The following NBR1 variants were observed in gnomAD, a reference collection of about 807,000 sequenced individuals.
NBR1 encodes the protein NBR1 autophagy cargo receptor.
Under a neutral mutation model 115.5 loss-of-function variants are expected in NBR1, and 59 were observed. The ratio of observed to expected loss-of-function variants is 0.51; its 90% confidence interval spans 0.41 to 0.63. NBR1 has a LOEUF of 0.63. NBR1 is among the 30% of genes least tolerant of loss of function. NBR1 has a pLI of 0.00. For missense variants in NBR1, 1,043 were observed against 1,150.5 expected, an observed-to-expected ratio of 0.91 and a Z score of 1.35; for synonymous variants, 373 against 414.7, an observed-to-expected ratio of 0.90 and a Z score of 1.22.
rs186899360 is a variant in NBR1, at chr17:43,188,856, T to G, written c.403-186T>G. On this transcript the variant is annotated intron_variant, in intron 6 of 20. Transcript: ENST00000590996. ...CTGACTTTTGAAACTGGTAATAGTT[T>G]ACTTCTGTAGAAGGGGAGCAGGCTA... Among the ~76,000 whole-genome samples, 519 of 152,342 alleles carry G rather than the reference T, an allele frequency of 3.4e-3. 7 individuals are homozygous for G. The highest frequency in any genetic ancestry group is 0.012 in the African/African-American group (508 of 41,572).
intron 20 of NBR1, among the ~76,000 whole-genome samples, chr17:43,206,187 AAAAG>A (rs1401185565): frequency 1.3e-5 from 2 of 151,816 alleles, no homozygotes; most frequent in African/African-American, 2.4e-5. Context: ...AAAAAAAAAA[AAAAG>A]AAAAAGAAAA....
chr17:43,188,943 T>A lies in NBR1; in HGVS notation c.403-99T>A. 7.1e-6 allele frequency: 6 copies of A among 839,610 alleles called. No individual in the cohort carries two copies. In the South Asian group the frequency reaches 7.5e-5, roughly 11 times the overall value. The allele number at this position is 839,610 out of a possible 1,614,324, so 52.0% of individuals were successfully genotyped here. The stretch of plus-strand genomic sequence containing the variant: ...GACTTTTTAAAAAATTATATACTTG[T>A]ATGATTTCACAAAAGAAACCTCAAA... On this transcript the variant is annotated intron_variant, in intron 6 of 20. Transcript: ENST00000590996.
chr17:43,205,704 CTG>C (rs1410664232), intron 20 of NBR1, among the ~76,000 whole-genome samples: 1 of 151,884 alleles, frequency 6.6e-6, no homozygotes, highest in Non-Finnish European at 1.5e-5. Context: ...GGGCAAAACC[CTG>C]TCTCTACTAA....
intron 8 of NBR1, chr17:43,190,406 A>T (rs2056915657): frequency 1.7e-6 from 1 of 572,716 alleles, no homozygotes; most frequent in African/African-American, 1.9e-5. Context: ...CCTCCCATAG[A>T]TTTTCATTTA....
intron 6 of NBR1, among the ~76,000 whole-genome samples, chr17:43,187,249 C>T (rs1253999901): frequency 6.6e-6 from 1 of 151,944 alleles, no homozygotes. Flanking sequence ...GGCGCGATCT[C>T]GGCTTATTGC....
At chr17:43,185,269 G>A (rs947655549) in intron 5 of NBR1, among the ~76,000 whole-genome samples, 3 of 152,078 alleles carry the variant, frequency 2.0e-5, no homozygotes, top group Non-Finnish European at 4.4e-5. Flanking sequence ...GGTAATGTAT[G>A]ACAAAAAATT....
chr17:43,195,069 G>T, intron 14 of NBR1, 30 bp downstream of exon 14: 1 of 1,576,372 alleles, frequency 6.3e-7, no homozygotes, highest in Non-Finnish European at 8.7e-7. Context: ...CATCTTGTTC[G>T]TCTTACTAAT....
intron 9 of NBR1, 40 bp from the exon 10 acceptor site, chr17:43,191,332 T>C: frequency 6.9e-7 from 1 of 1,458,584 alleles, no homozygotes; most frequent in Middle Eastern, 1.7e-4. Context: ...CAGAATTTAT[T>C]TGTGACTTTC....
At position 43,195,069 on chromosome 17, in the gene NBR1, G is replaced by A. The variant is rs528758913; in HGVS notation, c.1750+30G>A. Reference sequence around the variant, plus strand: ...GAATGTCACTCATTTCATCTTGTTCGTCTTACTAATAGGCACAAAAGTACC... The same window carrying A: ...GAATGTCACTCATTTCATCTTGTTCATCTTACTAATAGGCACAAAAGTACC... On this transcript the variant is annotated intron_variant, in intron 14 of 20. Transcript: ENST00000590996. 1.3e-5 allele frequency: 20 copies of A among 1,576,370 alleles called. No homozygotes were observed. In the East Asian group the frequency reaches 2.2e-4, roughly 18 times the overall value.
Position 43,203,751 on chromosome 17 carries a change from A to C in NBR1, c.2692A>C (p.Lys898Gln), listed in dbSNP as rs749473432. The change falls in exon 20 of 21, where the codon AAG (lysine) becomes CAG (glutamine). Residue 898 changes from lysine (K) to glutamine (Q), a missense_variant. Transcript: ENST00000590996. Reference sequence around the variant, plus strand: ...TTTGTCTGTTGCTGCCTCTGCATACAAGGCCCTGTTTGCTGGGCCACCAGT... The same window carrying C: ...TTTGTCTGTTGCTGCCTCTGCATACCAGGCCCTGTTTGCTGGGCCACCAGT... ...GALSVAASAY[K>Q]ALFAGPPVTA... 5.6e-6 allele frequency: 9 copies of C among 1,605,752 alleles called. No individual in the cohort carries two copies. Among genetic ancestry groups the C allele is most frequent in the Non-Finnish European group, 7.7e-6 (9 of 1,175,724 alleles).
At position 43,189,624 on chromosome 17, in the gene NBR1, C is replaced by A; in HGVS notation, c.517C>A (p.Leu173Ile). The change falls in exon 8 of 21, where the codon CTT becomes ATT. Residue 173 changes from leucine (L) to isoleucine (I), a missense_variant. By Grantham distance (5) the Leu-to-Ile change is conservative. Transcript: ENST00000590996. ...AGTGGTTAACGAAACGGTTGAGAAGCTTGAACAGAAATTACATGAAAAGCT... is the reference window on the plus strand; with the variant it reads ...AGTGGTTAACGAAACGGTTGAGAAGATTGAACAGAAATTACATGAAAAGCT... ...EQVVNETVEK[L>I]EQKLHEKLVL... 4 of 1,613,954 alleles carry A rather than the reference C, an allele frequency of 2.5e-6. No individual in the cohort carries two copies. Among genetic ancestry groups the A allele is most frequent in the Non-Finnish European group, 3.4e-6 (4 of 1,179,860 alleles).
chr17:43,180,731 A>G, intron 4 of NBR1, 64 bp from the exon 5 acceptor site: 4 of 1,362,220 alleles, frequency 2.9e-6, no homozygotes, highest in Non-Finnish European at 3.8e-6. Context: ...AAATAATTTT[A>G]AAATAATAGA....
In NBR1 at chr17:43,191,582, G is replaced by A. The variant is rs1055919966; in HGVS notation, c.1073+1G>A. On this transcript the variant is annotated splice_donor_variant, in intron 10 of 20. Transcript: ENST00000590996. LOFTEE classifies it high-confidence loss of function. The stretch of plus-strand genomic sequence containing the variant: ...GCTTGCTCCAGTCTAATACCCTGAT[G>A]TAAGCCCAGGACTGGGGTGGGAGCC... 1.2e-6 allele frequency: 2 copies of A among 1,604,870 alleles called. No homozygotes were observed. Among genetic ancestry groups the A allele is most frequent in the African/African-American group, 2.7e-5 (2 of 74,552 alleles).
intron 20 of NBR1, 190 bp from the exon 21 acceptor site, chr17:43,209,711 T>C: frequency 6.5e-7 from 1 of 1,533,232 alleles, no homozygotes; most frequent in Non-Finnish European, 8.7e-7. Flanking sequence ...TAATCTAAAA[T>C]AGGGCCTTCC....
At chr17:43,188,599 T>G (rs936952463) in intron 6 of NBR1, among the ~76,000 whole-genome samples, 18 of 152,204 alleles carry the variant, frequency 1.2e-4, no homozygotes, top group Admixed American at 5.9e-4. Flanking sequence ...TTAGATCTTA[T>G]GTTTAAGTCT....
chr17:43,194,018 G>A (rs1321960905), intron 12 of NBR1, among the ~76,000 whole-genome samples: 1 of 152,098 alleles, frequency 6.6e-6, no homozygotes, highest in Non-Finnish European at 1.5e-5. Context: ...TACTAATGAA[G>A]TCTTGCCCTG....
In NBR1 at chr17:43,200,566, C is replaced by T. The variant is rs764495109; in HGVS notation, c.2426C>T (p.Pro809Leu). 2.5e-6 allele frequency: 4 copies of T among 1,612,510 alleles called. No individual in the cohort carries two copies. The highest frequency in any genetic ancestry group is 3.4e-6 in the Non-Finnish European group (4 of 1,178,888). The change falls in exon 17 of 21, where the codon CCC becomes CTC. Residue 809 changes from proline to leucine, a missense_variant. Physicochemically the swap from Pro to Leu is moderately conservative, Grantham distance 98 (BLOSUM62 -3). Transcript: ENST00000590996. ...LTTSQTLETV[P>L]LIPEVVELPP... ...ACCTCACAGACTCTGGAAACAGTGC[C>T]CCTAATCCCAGAGGTAGTGGAGCTT...
In NBR1 at chr17:43,210,041, AAAC is replaced by A. The variant is rs777899761; in HGVS notation, c.2875_2877del (p.Asn959del). 3.1e-6 allele frequency: 5 copies of A among 1,613,140 alleles called. No individual in the cohort carries two copies. The highest frequency in any genetic ancestry group is 4.2e-6 in the Non-Finnish European group (5 of 1,179,620). ...AGGTTGTGACAGAACTTCTTCAGTT[AAAC>A]AACAACGACTGGTACAGCCAACGCT... On this transcript the variant is annotated inframe_deletion, in exon 21 of 21. Transcript: ENST00000590996.
chr17:43,208,726 GA>G (rs1373047857), intron 20 of NBR1, among the ~76,000 whole-genome samples: 2 of 152,172 alleles, frequency 1.3e-5, no homozygotes, highest in Admixed American at 1.3e-4. Context: ...AGCATTTTGG[GA>G]GACCAAAGTT....
Sources: gnomAD v4.1 joint callset for allele counts (sites outside exome capture counted in the v4.1 genomes callset) on GRCh38, gnomAD v4.1.1 for gene constraint, MANE v1.5 for transcripts, NCBI Gene and HGNC (gene_info 2026-07-23, HGNC 2026-07-21) for gene names.